CEP83: variants seen among roughly 807,000 people sequenced by gnomAD.
CEP83 encodes centrosomal protein of 83 kDa.
CEP83 carries 70 observed loss-of-function variants against 101.9 expected under a neutral mutation model. The ratio of observed to expected loss-of-function variants is 0.69; its 90% CI spans 0.57 to 0.84. The LOEUF (loss-of-function observed/expected upper bound fraction) is 0.84, where lower values mean the gene tolerates loss of function less well. Among genes scored for constraint, CEP83 ranks in the 40% least tolerant of loss-of-function variants. CEP83 has a pLI of 0.00. For synonymous variants in CEP83, 264 were observed against 267.9 expected, an observed-to-expected ratio of 0.99 and a Z score of 0.14; for missense variants, 715 against 787.2, an observed-to-expected ratio of 0.91 and a Z score of 1.10.
the CEP83 span, chr12:94,279,573 C>T: frequency 3.1e-6 from 5 of 1,614,140 alleles, no homozygotes; most frequent in Non-Finnish European, 4.2e-6. Context: ...TTGGCCAAGC[C>T]AAAGAAAAGA....
chr12:94,402,409 GA>G (rs548181424), intron 5 of CEP83: 2 of 150,804 alleles, frequency 1.3e-5, no homozygotes, highest in East Asian at 1.9e-4. Flanking sequence ...ATGTATACCA[GA>G]AAAAAAAATA....
the CEP83 span, among the ~76,000 whole-genome samples, chr12:94,276,106 T>TA: frequency 2.0e-5 from 3 of 152,282 alleles, no homozygotes; most frequent in African/African-American, 7.2e-5. Context: ...TTATTGCCCA[T>TA]AAAAAAGTGT....
At chr12:94,350,868 T>G (rs1171269018) in intron 11 of CEP83, among the ~76,000 whole-genome samples, 1 of 152,120 alleles carries the variant, frequency 6.6e-6, no homozygotes, top group Admixed American at 6.5e-5. Context: ...ACATCACTAA[T>G]CATTAGAAAG....
At chr12:94,282,132 AG>A in the CEP83 span, 21 of 173,016 alleles carry the variant, frequency 1.2e-4, no homozygotes, top group South Asian at 2.0e-4. Flanking sequence ...AAACAAACAA[AG>A]TAAAACAGAA....
At chr12:94,311,861 T>A (rs1257768039) in intron 15 of CEP83, among the ~76,000 whole-genome samples, 2 of 152,150 alleles carry the variant, frequency 1.3e-5, no homozygotes, top group Non-Finnish European at 2.9e-5. Flanking sequence ...CAATCTTGAA[T>A]TGCTAACATT....
Position 94,368,097 on chromosome 12 carries a change from C to T in CEP83, c.1153G>A (p.Glu385Lys). ...ACCACAAGTTTTTGATAACCTTCTT[C>T]TTTGGCAGCTTGTACTTTACGTATT... ...ELIRKVQAAK[E>K]EGYQKLVVLQ... Residue 385 changes from glutamate to lysine, a missense_variant, in exon 10 of 17, where the codon GAA becomes AAA. Glu to Lys is a moderately conservative substitution (Grantham distance 56, BLOSUM62 1). Transcript: ENST00000397809. The T allele has an allele frequency of 6.2e-7, 1 of 1,613,476 alleles. No individual in the cohort carries two copies. Among genetic ancestry groups the T allele is most frequent in the Non-Finnish European group, 8.5e-7 (1 of 1,179,654 alleles).
the CEP83 span, among the ~76,000 whole-genome samples, chr12:94,288,762 C>T: frequency 6.6e-6 from 1 of 152,210 alleles, no homozygotes; most frequent in African/African-American, 2.4e-5. Flanking sequence ...GAAGACGATA[C>T]TGACGGAGGG....
intron 6 of CEP83, among the ~76,000 whole-genome samples, chr12:94,398,207 A>G (rs1310330598): frequency 3.9e-5 from 6 of 152,242 alleles, no homozygotes; most frequent in Non-Finnish European, 5.9e-5. Flanking sequence ...GTTATGGCAT[A>G]TGCAAATATA....
intron 1 of CEP83, among the ~76,000 whole-genome samples, chr12:94,449,303 T>C (rs2067049102): frequency 6.6e-6 from 1 of 152,044 alleles, no homozygotes; most frequent in South Asian, 2.1e-4. Flanking sequence ...CACAAAGAAA[T>C]GGCCAGGCCC....
chr12:94,412,901 G>A (rs2063992122), intron 2 of CEP83, among the ~76,000 whole-genome samples: 1 of 150,970 alleles, frequency 6.6e-6, no homozygotes. Flanking sequence ...CGCCCAGGCT[G>A]GAGTACAGTG....
the CEP83 span, among the ~76,000 whole-genome samples, chr12:94,288,721 C>G: frequency 3.9e-5 from 6 of 152,188 alleles, no homozygotes; most frequent in Non-Finnish European, 2.9e-5. Context: ...CAGTTTCCAG[C>G]CTTGGGGCAT....
At chr12:94,393,174 A>C (rs2062667541) in intron 6 of CEP83, among the ~76,000 whole-genome samples, 1 of 152,220 alleles carries the variant, frequency 6.6e-6, no homozygotes, top group East Asian at 1.9e-4. Flanking sequence ...ACACAACAAA[A>C]AAGAGAATTT....
chr12:94,318,324 G>T (rs1031202791), intron 14 of CEP83, among the ~76,000 whole-genome samples: 2 of 152,124 alleles, frequency 1.3e-5, no homozygotes, highest in East Asian at 3.8e-4. Context: ...GACTATGGGG[G>T]TTTCCTAAAC....
intron 6 of CEP83, among the ~76,000 whole-genome samples, chr12:94,398,474 T>C (rs888453235): frequency 1.3e-5 from 2 of 152,226 alleles, no homozygotes; most frequent in Non-Finnish European, 2.9e-5. Context: ...TTATCATTTC[T>C]TATGCCTGTC....
At chr12:94,385,851 T>C (rs1172843437) in intron 6 of CEP83, among the ~76,000 whole-genome samples, 1 of 152,218 alleles carries the variant, frequency 6.6e-6, no homozygotes, top group Non-Finnish European at 1.5e-5. Context: ...GAGTATAATA[T>C]TGTATTTTTA....
At position 94,370,351 on chromosome 12, in the gene CEP83, G is replaced by A. The variant is rs56288927; in HGVS notation, c.934-315C>T. 0.14 allele frequency among the ~76,000 whole-genome samples: 21,831 copies of A among 152,072 alleles called. 1,742 individuals carry two copies. The highest frequency in any genetic ancestry group is 0.21 in the African/African-American group (8,846 of 41,474). On this transcript the variant is annotated intron_variant, in intron 8 of 16. Transcript: ENST00000397809. Reference sequence around the variant, plus strand: ...CTCAATGATTGGAAAATCTGCAGGGGAAAAAACCCTGAAACTTTTAAAATT... The same window carrying A: ...CTCAATGATTGGAAAATCTGCAGGGAAAAAAACCCTGAAACTTTTAAAATT...
intron 1 of CEP83, among the ~76,000 whole-genome samples, chr12:94,447,029 T>C (rs1566236143): frequency 6.6e-6 from 1 of 152,078 alleles, no homozygotes; most frequent in Non-Finnish European, 1.5e-5. Flanking sequence ...AAAAAACAAA[T>C]TTTTTTAAAG....
At chr12:94,282,528 G>T in the CEP83 span, 1 of 656,806 alleles carries the variant, frequency 1.5e-6, no homozygotes, top group Non-Finnish European at 2.7e-6. Flanking sequence ...CGTGTCTGGG[G>T]CTGAAGTTTT....
chr12:94,307,289 A>C (rs1969139125), downstream of CEP83: 1 of 152,166 alleles, frequency 6.6e-6, no homozygotes, highest in Non-Finnish European at 1.5e-5. Context: ...AAGATTCACT[A>C]ATGTATGTAG....
Sources: allele counts gnomAD v4.1 joint callset (sites outside exome capture counted in the v4.1 genomes callset), GRCh38; gene constraint gnomAD v4.1.1; transcripts MANE v1.5; gene names NCBI Gene and HGNC (gene_info 2026-07-23, HGNC 2026-07-21).